The following OSBPL3 variants were observed in gnomAD, a reference collection of about 807,000 sequenced individuals.
OSBPL3 encodes oxysterol binding protein like 3.
OSBPL3 carries 65 observed loss-of-function variants against 120.1 expected under a neutral mutation model. That is an observed-to-expected ratio of 0.54 (90% CI 0.44 to 0.67). The LOEUF is 0.67. OSBPL3 is among the 30% of genes least tolerant of loss of function. The pLI is 0.00. For synonymous variants in OSBPL3, 416 were observed against 402.6 expected, an observed-to-expected ratio of 1.03 and a Z score of -0.40; for missense variants, 1,004 against 1,082.1, an observed-to-expected ratio of 0.93 and a Z score of 1.01.
chr7:24,892,272 C>T (rs1805463731), intron 2 of OSBPL3, 105 bp downstream of exon 2: 2 of 1,118,594 alleles, frequency 1.8e-6, no homozygotes, highest in Non-Finnish European at 1.3e-6. Flanking sequence ...AAAGTAAATG[C>T]TCTTAAACTG....
chr7:24,881,746 C>T lies in OSBPL3; in HGVS notation c.97-9677G>A, dbSNP rs533721180. On this transcript the variant is annotated intron_variant, in intron 2 of 22. Coordinates refer to ENST00000313367, the MANE Select transcript of OSBPL3 (RefSeq NM_015550.4). This position sits in a 1 kb window ranked among gnomAD's most constrained non-coding sequence, Gnocchi z 4.3. The stretch of plus-strand genomic sequence containing the variant: ...AATAAACAGATATTTATTCTCTAGC[C>T]GTTCTGGAGGCCAGAGGTCCAAAAT... Among the ~76,000 whole-genome samples, 12 of 152,254 alleles carry T rather than the reference C, an allele frequency of 7.9e-5. No homozygotes were observed. In the South Asian group the frequency reaches 2.1e-3, roughly 26 times the overall value.
chr7:24,869,559 A>G (rs1240034769), intron 5 of OSBPL3, among the ~76,000 whole-genome samples: 4 of 152,196 alleles, frequency 2.6e-5, no homozygotes, highest in African/African-American at 9.6e-5. Flanking sequence ...TAACTGGAGA[A>G]GGATGCCACT....
intron 2 of OSBPL3, among the ~76,000 whole-genome samples, chr7:24,880,369 C>G (rs1803495113): frequency 6.6e-6 from 1 of 152,108 alleles, no homozygotes; most frequent in Non-Finnish European, 1.5e-5. Flanking sequence ...TCAGCTGAGC[C>G]CATCCAGGGC....
intron 2 of OSBPL3, among the ~76,000 whole-genome samples, chr7:24,885,992 C>T (rs1804475444): frequency 6.6e-6 from 1 of 152,230 alleles, no homozygotes; most frequent in African/African-American, 2.4e-5. Flanking sequence ...TCATATTTTA[C>T]ACATTTTAAA....
Position 24,866,216 on chromosome 7 carries a change from C to A in OSBPL3, c.403G>T (p.Asp135Tyr). Residue 135 changes from aspartate to tyrosine, a missense_variant, in exon 6 of 23, where the codon GAT becomes TAT. Around this residue, in one of 4 missense-constraint regions of OSBPL3, gnomAD observed 255 missense variants for 248.7 expected, o/e 1.03. Transcript: ENST00000313367. ...HLKVKSEEVFDEWVSKLRHHR... is the reference protein window; with the variant it reads ...HLKVKSEEVFYEWVSKLRHHR... ...TGGCGAAGTTTCGATACCCACTCAT[C>A]AAAGACTTCTTCTGACTTGACCTAT... The A allele has an allele frequency of 6.2e-7, 1 of 1,611,360 alleles. No homozygotes were observed. Among genetic ancestry groups the A allele is most frequent in the Non-Finnish European group, 8.5e-7 (1 of 1,177,500 alleles).
chr7:24,854,642 C>T lies in OSBPL3; in HGVS notation c.1028-2008G>A, dbSNP rs942743815. Among the ~76,000 whole-genome samples the T allele has an allele frequency of 2.0e-5, 3 of 152,122 alleles. No individual in the cohort carries two copies. Among genetic ancestry groups the T allele is most frequent in the African/African-American group, 7.2e-5 (3 of 41,482 alleles). On this transcript the variant is annotated intron_variant, in intron 10 of 22. Coordinates refer to ENST00000313367, the MANE Select transcript of OSBPL3 (RefSeq NM_015550.4). This position sits in a 1 kb window ranked among gnomAD's most constrained non-coding sequence, Gnocchi z 4.1. Reference sequence around the variant, plus strand: ...AACACACTTAGCTCCTTGCTTTAAACAATTTAATTGAGCAAAATAATGGGC... The same window carrying T: ...AACACACTTAGCTCCTTGCTTTAAATAATTTAATTGAGCAAAATAATGGGC...
chr7:24,950,153 C>T (rs1000944019), intron 1 of OSBPL3, among the ~76,000 whole-genome samples: 10 of 152,290 alleles, frequency 6.6e-5, no homozygotes, highest in Admixed American at 3.9e-4. Context: ...GTCATTTTGC[C>T]ACACTGCCTT....
intron 1 of OSBPL3, among the ~76,000 whole-genome samples, chr7:24,934,939 A>C (rs1023062497): frequency 6.6e-6 from 1 of 152,134 alleles, no homozygotes; most frequent in Non-Finnish European, 1.5e-5. Context: ...CATTTTCTTA[A>C]AAATTGTATG....
Position 24,871,544 on chromosome 7 carries a change from G to A in OSBPL3, c.267+198C>T, listed in dbSNP as rs2128284111. 1.3e-5 allele frequency among the ~76,000 whole-genome samples: 2 copies of A among 152,298 alleles called. No individual in the cohort carries two copies. The highest frequency in any genetic ancestry group is 4.1e-4 in the South Asian group (2 of 4,824). On this transcript the variant is annotated intron_variant, in intron 4 of 22. Coordinates refer to ENST00000313367, the MANE Select transcript of OSBPL3 (RefSeq NM_015550.4). This position sits in a 1 kb window ranked among gnomAD's most constrained non-coding sequence, Gnocchi z 4.8. ...ACAGACTTTTGCATGCCCAGAGAGT[G>A]TTGCGGGAGCCCCTGCACCTTGACC...
rs1799323056 is a variant in OSBPL3 at position 24,852,756 on chromosome 7, A to G, written c.1028-122T>C. 1.5e-6 allele frequency: 1 copy of G among 648,748 alleles called. No homozygotes were observed. The highest frequency in any genetic ancestry group is 2.5e-6 in the Non-Finnish European group (1 of 403,174). 40.2% of individuals were successfully genotyped at this position (648,748 alleles called of 1,614,324 possible). A position where few individuals can be genotyped will look rare whatever the true frequency, so the allele number is the denominator to read the frequency against. ...TAACAGCCCTGAATATTTTGAGTAT[A>G]GCAAATGTACATTCTACCTTGACTT... On this transcript the variant is annotated intron_variant, in intron 10 of 22. Coordinates refer to ENST00000313367, the MANE Select transcript of OSBPL3 (RefSeq NM_015550.4). The surrounding 1 kb of genome is among the most constrained non-coding windows in gnomAD (Gnocchi z 4.1).
chr7:24,815,344 T>C lies in OSBPL3; in HGVS notation c.2028-141A>G. On this transcript the variant is annotated intron_variant, in intron 18 of 22. Transcript: ENST00000313367. The surrounding 1 kb of genome is among the most constrained non-coding windows in gnomAD (Gnocchi z 5.1). ...ACAGAAGCAACACTGGCTAAGTGTC[T>C]ATGTCACACTGGATGTTCTAGGAGC... The C allele has an allele frequency of 1.5e-6, 1 of 663,762 alleles. No homozygotes were observed. 41.1% of individuals were successfully genotyped at this position (663,762 alleles called of 1,614,324 possible).
At chr7:24,903,857 C>T (rs1562907934) in intron 1 of OSBPL3, among the ~76,000 whole-genome samples, 1 of 151,392 alleles carries the variant, frequency 6.6e-6, no homozygotes, top group African/African-American at 2.4e-5. Flanking sequence ...GTGTCCTCCC[C>T]ACTGGCTACC....
intron 1 of OSBPL3, among the ~76,000 whole-genome samples, chr7:24,951,461 C>A (rs1386663942): frequency 6.6e-6 from 1 of 152,096 alleles, no homozygotes; most frequent in Non-Finnish European, 1.5e-5. Flanking sequence ...ATATATACAT[C>A]AAATCCATGA....
At chr7:24,921,933 G>A (rs1410102898) in intron 1 of OSBPL3, among the ~76,000 whole-genome samples, 2 of 152,178 alleles carry the variant, frequency 1.3e-5, no homozygotes, top group Non-Finnish European at 2.9e-5. Flanking sequence ...ATTAGGAAAA[G>A]TAGATTCGTG....
intron 1 of OSBPL3, among the ~76,000 whole-genome samples, chr7:24,977,815 C>T (rs954031747): frequency 3.9e-5 from 6 of 152,208 alleles, no homozygotes; most frequent in African/African-American, 7.2e-5. Context: ...GAGATCGCGC[C>T]ACTGTACTCC....
Position 24,863,434 on chromosome 7 carries a change from C to T in OSBPL3, c.777+62G>A. ...ACAGCATCCCACTGTTAGTGAAAGG[C>T]TGGGAGGAGAAAGGAAAGCAGAAGA... On this transcript the variant is annotated intron_variant, in intron 8 of 22. Coordinates refer to ENST00000313367, the MANE Select transcript of OSBPL3 (RefSeq NM_015550.4). This position sits in a 1 kb window ranked among gnomAD's most constrained non-coding sequence, Gnocchi z 5.8. The T allele has an allele frequency of 2.8e-6, 4 of 1,448,274 alleles. No individual in the cohort carries two copies. The East Asian group carries it at 6.8e-5, about 25-fold the overall frequency. The allele number at this position is 1,448,274 out of a possible 1,614,324, so 89.7% of individuals were successfully genotyped here.
At position 24,872,151 on chromosome 7, in the gene OSBPL3, A is replaced by C; in HGVS notation, c.97-82T>G. ...TAAAAAGCACTGCATCCTGTCAGTAAATTTATTCAAGATGGGGAGGCTGGC... is the reference window on the plus strand; with the variant it reads ...TAAAAAGCACTGCATCCTGTCAGTACATTTATTCAAGATGGGGAGGCTGGC... On this transcript the variant is annotated intron_variant, in intron 2 of 22. Coordinates refer to ENST00000313367, the MANE Select transcript of OSBPL3 (RefSeq NM_015550.4). This position sits in a 1 kb window ranked among gnomAD's most constrained non-coding sequence, Gnocchi z 4.1. 1 of 991,876 alleles carries C rather than the reference A, an allele frequency of 1.0e-6. No individual in the cohort carries two copies. Among genetic ancestry groups the C allele is most frequent in the East Asian group, 2.4e-5 (1 of 41,636 alleles). The allele number at this position is 991,876 out of a possible 1,614,324, so 61.4% of individuals were successfully genotyped here. A position where few individuals can be genotyped will look rare whatever the true frequency, so the allele number is the denominator to read the frequency against.
rs1755072416 is a variant in OSBPL3, at chr7:24,964,446, T to C, written c.-150+15440A>G. On this transcript the variant is annotated intron_variant, in intron 1 of 22. Coordinates refer to ENST00000313367, the MANE Select transcript of OSBPL3 (RefSeq NM_015550.4). This position sits in a 1 kb window ranked among gnomAD's most constrained non-coding sequence, Gnocchi z 4.2. The stretch of plus-strand genomic sequence containing the variant: ...CTGTAATCTTCTTCCCCAAAACCCA[T>C]AACCCCAGTCCAATACAAGAAAATC... Among the ~76,000 whole-genome samples the C allele has an allele frequency of 6.6e-6, 1 of 152,158 alleles. No homozygotes were observed. The highest frequency in any genetic ancestry group is 1.5e-5 in the Non-Finnish European group (1 of 68,028).
At chr7:24,846,849 G>A (rs1193767564) in intron 12 of OSBPL3, among the ~76,000 whole-genome samples, 1 of 152,114 alleles carries the variant, frequency 6.6e-6, no homozygotes, top group Non-Finnish European at 1.5e-5. Context: ...TGGATCACAA[G>A]GTCAGGAGAT....
Sources: allele counts gnomAD v4.1 joint callset (sites outside exome capture counted in the v4.1 genomes callset), GRCh38; gene constraint gnomAD v4.1.1; regional missense constraint gnomAD v4.1.1; non-coding constraint Gnocchi (gnomAD v3.1); transcripts MANE v1.5; gene names NCBI Gene and HGNC (gene_info 2026-07-23, HGNC 2026-07-21).